WDR48: variants seen among roughly 807,000 people sequenced by gnomAD.
WDR48 encodes the protein WD repeat domain 48.
In WDR48, 22 loss-of-function variants were observed where a neutral mutation model predicts 94.0. That is an observed-to-expected ratio of 0.23 (90% CI 0.17 to 0.33). The LOEUF is 0.33. Among genes scored for constraint, WDR48 ranks in the 10% least tolerant of loss-of-function variants. The pLI is 1.00. For synonymous variants in WDR48, 278 were observed against 280.5 expected (o/e 0.99, Z 0.09); for missense variants, 541 against 813.8 (o/e 0.66, Z 4.08).
chr3:39,068,501 A>G (rs1395764553), intron 5 of WDR48, among the ~76,000 whole-genome samples: 1 of 152,246 alleles, frequency 6.6e-6, no homozygotes, highest in Non-Finnish European at 1.5e-5. Context: ...TGGCACATGA[A>G]TAGCTTTAAA....
chr3:39,058,545 A>G (rs2033046459), intron 1 of WDR48, among the ~76,000 whole-genome samples: 1 of 152,340 alleles, frequency 6.6e-6, no homozygotes, highest in South Asian at 2.1e-4. Context: ...TCTCAGTTAA[A>G]GGAAATGTGA....
intron 1 of WDR48, among the ~76,000 whole-genome samples, chr3:39,060,217 C>G (rs1047120468): frequency 1.3e-5 from 2 of 152,098 alleles, no homozygotes; most frequent in Non-Finnish European, 2.9e-5. Context: ...TTAGCAATTA[C>G]TCCCCGTTTT....
In WDR48 at chr3:39,060,137, A is replaced by AT. The variant is rs550702787; in HGVS notation, c.49-2906dup. ...CCCTTTCAAAGTGTACAATTCAGTG[A>AT]TTTTTTTGTATATTCGGAAAGTTGT... On this transcript the variant is annotated intron_variant, in intron 1 of 18. Transcript: ENST00000302313. Among the ~76,000 whole-genome samples, 7 of 152,180 alleles carry AT rather than the reference A, an allele frequency of 4.6e-5. No homozygotes were observed. In the South Asian group the frequency reaches 8.3e-4, roughly 18 times the overall value.
rs1479719018 is a variant in WDR48, at chr3:39,074,970, T to A, written c.897+20T>A. 1 of 1,608,844 alleles carries A rather than the reference T, an allele frequency of 6.2e-7. No individual in the cohort carries two copies. The highest frequency in any genetic ancestry group is 8.5e-7 in the Non-Finnish European group (1 of 1,177,226). ...CTCAAGGTATGTCATATGTTAATAT[T>A]TTAGTTTTATAATTAAGGTTGTTAC... On this transcript the variant is annotated intron_variant, in intron 8 of 18. Transcript: ENST00000302313.
intron 18 of WDR48, chr3:39,094,291 GAA>G (rs1327559282): frequency 7.0e-7 from 1 of 1,425,112 alleles, no homozygotes; most frequent in African/African-American, 1.4e-5. Flanking sequence ...TTTCTGACAA[GAA>G]AAAAGACACA....
intron 16 of WDR48, chr3:39,091,234 CT>C (rs1377499260): frequency 6.3e-6 from 1 of 158,492 alleles, no homozygotes; most frequent in Non-Finnish European, 1.4e-5. Flanking sequence ...GAATGTGTGG[CT>C]TTGCTCAAAG....
rs886630036 is a variant in WDR48 at position 39,078,255 on chromosome 3, G to C, written c.1075+16G>C. The C allele has an allele frequency of 6.4e-7, 1 of 1,553,394 alleles. No individual in the cohort carries two copies. The highest frequency in any genetic ancestry group is 1.4e-5 in the African/African-American group (1 of 72,966). ...GTTATTAAAGGTAAGAAAATGGAAG[G>C]TACTGTACCCCTTATTGAAGTTAGC... On this transcript the variant is annotated intron_variant, in intron 10 of 18. Coordinates refer to ENST00000302313, the MANE Select transcript of WDR48 (RefSeq NM_020839.4).
At chr3:39,057,271 C>T (rs1011441926) in intron 1 of WDR48, among the ~76,000 whole-genome samples, 8 of 152,028 alleles carry the variant, frequency 5.3e-5, no homozygotes, top group African/African-American at 1.9e-4. Flanking sequence ...ATGAGTAAAT[C>T]GATAATGTCT....
chr3:39,057,642 G>C (rs2125633699), intron 1 of WDR48, among the ~76,000 whole-genome samples: 1 of 150,436 alleles, frequency 6.6e-6, no homozygotes, highest in Non-Finnish European at 1.5e-5. Context: ...TTATTTTTTT[G>C]AGACATTGTC....
At position 39,063,160 on chromosome 3, in the gene WDR48, C is replaced by T. The variant is rs746718930; in HGVS notation, c.159C>T (p.Ile53=). The change falls in exon 2 of 19, where the codon ATC becomes ATT. Residue 53 remains isoleucine (I), a synonymous_variant. Coordinates refer to ENST00000302313, the MANE Select transcript of WDR48 (RefSeq NM_020839.4). ...TTTTCACAGCCGGTCGAGACTCTAT[C>T]ATAAGAATATGGAGTGTCAATCAGC... ...NRLFTAGRDS[I]IRIWSVNQHK... 1 of 1,613,974 alleles carries T rather than the reference C, an allele frequency of 6.2e-7. No individual in the cohort carries two copies. Among genetic ancestry groups the T allele is most frequent in the African/African-American group, 1.3e-5 (1 of 74,892 alleles).
At chr3:39,058,125 T>C (rs971220514) in intron 1 of WDR48, among the ~76,000 whole-genome samples, 2 of 152,176 alleles carry the variant, frequency 1.3e-5, no homozygotes, top group African/African-American at 2.4e-5. Flanking sequence ...GAAACAGGGC[T>C]CTCATGCTGT....
At chr3:39,093,770 T>C in intron 17 of WDR48, 104 bp from the exon 18 acceptor site, 1 of 1,263,366 alleles carries the variant, frequency 7.9e-7, no homozygotes, top group South Asian at 1.9e-5. Flanking sequence ...CATTTATTGG[T>C]TTATTTTTCA....
chr3:39,057,291 G>A (rs967344917), intron 1 of WDR48, among the ~76,000 whole-genome samples: 1 of 152,136 alleles, frequency 6.6e-6, no homozygotes, highest in Non-Finnish European at 1.5e-5. Flanking sequence ...TAAAATGGAT[G>A]AGCCAAAAAG....
chr3:39,061,910 G>A (rs1373992464), intron 1 of WDR48, among the ~76,000 whole-genome samples: 1 of 152,070 alleles, frequency 6.6e-6, no homozygotes, highest in African/African-American at 2.4e-5. Context: ...AGAAGTGTCT[G>A]TTCATATCCT....
chr3:39,085,201 T>G (rs1173254486), intron 13 of WDR48, among the ~76,000 whole-genome samples: 1 of 151,434 alleles, frequency 6.6e-6, no homozygotes, highest in Non-Finnish European at 1.5e-5. Context: ...CGCTCCAGCC[T>G]GGGTGACAGA....
At chr3:39,055,109 G>T (rs768712179) in intron 1 of WDR48, among the ~76,000 whole-genome samples, 12 of 152,210 alleles carry the variant, frequency 7.9e-5, no homozygotes, top group Non-Finnish European at 1.8e-4. Flanking sequence ...TCTCCTGACT[G>T]TCTCAGACCA....
chr3:39,065,743 CATAT>C, intron 2 of WDR48, 64 bp from the exon 3 acceptor site: 1 of 1,197,132 alleles, frequency 8.4e-7, no homozygotes, highest in Non-Finnish European at 1.2e-6. Context: ...AGAATTTAAC[CATAT>C]CTATCATTTG....
intron 1 of WDR48, among the ~76,000 whole-genome samples, chr3:39,059,283 T>TCTTC (rs1164965465): frequency 6.6e-6 from 1 of 152,016 alleles, no homozygotes; most frequent in Non-Finnish European, 1.5e-5. Context: ...GGGTGGTGAA[T>TCTTC]CTTCATGACA....
chr3:39,084,615 G>T (rs1027734818), intron 12 of WDR48, 30 bp from the exon 13 acceptor site: 5 of 1,576,404 alleles, frequency 3.2e-6, no homozygotes, highest in Non-Finnish European at 3.5e-6. Flanking sequence ...ATATTCAAAT[G>T]GGATGCCACT....
Sources: gnomAD v4.1 joint callset for allele counts (sites outside exome capture counted in the v4.1 genomes callset) on GRCh38, gnomAD v4.1.1 for gene constraint, MANE v1.5 for transcripts, NCBI Gene and HGNC (gene_info 2026-07-23, HGNC 2026-07-21) for gene names.